PPARGC1A: variants seen among roughly 807,000 people sequenced by gnomAD.
PPARGC1A encodes peroxisome proliferator-activated receptor gamma coactivator 1-alpha.
Under a neutral mutation model 88.7 loss-of-function variants are expected in PPARGC1A, and 25 were observed. The ratio of observed to expected loss-of-function variants is 0.28; its 90% CI spans 0.21 to 0.39. The LOEUF is 0.39. Ranked by LOEUF, PPARGC1A falls within the 10% of genes least tolerant of loss-of-function variation. The pLI, the probability that PPARGC1A is intolerant of heterozygous loss-of-function variation, is 1.00. For synonymous variants in PPARGC1A, 363 were observed against 355.6 expected (o/e 1.02, Z -0.24); for missense variants, 880 against 968.7 (o/e 0.91, Z 1.22).
chr4:24,367,732 CA>C, the PPARGC1A span, among the ~76,000 whole-genome samples: 1 of 152,108 alleles, frequency 6.6e-6, no homozygotes, highest in Non-Finnish European at 1.5e-5. Flanking sequence ...CCTTAATGAA[CA>C]TATTGTTGTT....
the PPARGC1A span, among the ~76,000 whole-genome samples, chr4:24,252,408 T>C: frequency 2.0e-5 from 3 of 152,348 alleles, no homozygotes; most frequent in East Asian, 5.8e-4. Flanking sequence ...GTTGTGTTTC[T>C]GCCTTTCGTG....
the PPARGC1A span, among the ~76,000 whole-genome samples, chr4:24,369,999 G>A: frequency 6.6e-6 from 1 of 152,200 alleles, no homozygotes; most frequent in Admixed American, 6.5e-5. Context: ...AAAGAGAAAG[G>A]CTTGGCTTGG....
chr4:24,247,162 A>T, the PPARGC1A span, among the ~76,000 whole-genome samples: 1 of 152,182 alleles, frequency 6.6e-6, no homozygotes, highest in African/African-American at 2.4e-5. Context: ...GCTAAAAATC[A>T]TCAGTTCTCT....
At chr4:24,382,656 G>A in the PPARGC1A span, among the ~76,000 whole-genome samples, 2 of 152,304 alleles carry the variant, frequency 1.3e-5, no homozygotes, top group Admixed American at 6.5e-5. Flanking sequence ...AAATGATACT[G>A]ACAGGTACCT....
At chr4:24,043,996 T>A in the PPARGC1A span, among the ~76,000 whole-genome samples, 1 of 152,206 alleles carries the variant, frequency 6.6e-6, no homozygotes, top group Admixed American at 6.5e-5. Context: ...TCTGAGTATA[T>A]CATCCATGTA....
At chr4:24,047,614 G>T in the PPARGC1A span, among the ~76,000 whole-genome samples, 1 of 152,132 alleles carries the variant, frequency 6.6e-6, no homozygotes, top group South Asian at 2.1e-4. Flanking sequence ...TGGAACCCGG[G>T]CAGACAGACA....
the PPARGC1A span, among the ~76,000 whole-genome samples, chr4:24,125,755 A>T: frequency 0.71 from 108,226 of 152,036 alleles, 38,793 homozygotes; most frequent in Non-Finnish European, 0.76. Flanking sequence ...TACCCCCAAT[A>T]TATTAAATTG....
chr4:24,173,306 T>C, the PPARGC1A span, among the ~76,000 whole-genome samples: 1 of 145,742 alleles, frequency 6.9e-6, no homozygotes, highest in Non-Finnish European at 1.5e-5. Flanking sequence ...CAGTGGCTAG[T>C]TTTGGACTGG....
At chr4:24,326,692 C>G in the PPARGC1A span, among the ~76,000 whole-genome samples, 1 of 152,292 alleles carries the variant, frequency 6.6e-6, no homozygotes, top group Middle Eastern at 3.4e-3. Context: ...TCGTGTCCAG[C>G]TGATCTCCCA....
the PPARGC1A span, among the ~76,000 whole-genome samples, chr4:24,145,208 T>G: frequency 2.6e-5 from 4 of 151,788 alleles, no homozygotes; most frequent in Admixed American, 6.6e-5. Context: ...AAGCTCCACT[T>G]TATAGAGGAA....
At chr4:24,442,581 C>A in the PPARGC1A span, among the ~76,000 whole-genome samples, 1 of 152,134 alleles carries the variant, frequency 6.6e-6, no homozygotes, top group Non-Finnish European at 1.5e-5. Context: ...CTTGGGTAAT[C>A]CATTTGTTGA....
At chr4:24,414,621 A>G in the PPARGC1A span, among the ~76,000 whole-genome samples, 1 of 152,154 alleles carries the variant, frequency 6.6e-6, no homozygotes, top group South Asian at 2.1e-4. Context: ...AACCATAGAC[A>G]TTCTGATTTA....
chr4:24,119,830 C>G, the PPARGC1A span, among the ~76,000 whole-genome samples: 1 of 152,128 alleles, frequency 6.6e-6, no homozygotes, highest in Non-Finnish European at 1.5e-5. Flanking sequence ...CAGACTCTTA[C>G]CTCCAAAATC....
At chr4:24,112,101 T>A in the PPARGC1A span, among the ~76,000 whole-genome samples, 1 of 152,118 alleles carries the variant, frequency 6.6e-6, no homozygotes, top group Non-Finnish European at 1.5e-5. Flanking sequence ...ATGGGTAGAG[T>A]CTGTCCATTC....
intron 10 of PPARGC1A, among the ~76,000 whole-genome samples, chr4:23,810,216 A>T (rs1720639710): frequency 6.6e-6 from 1 of 152,190 alleles, no homozygotes. Flanking sequence ...AACAATCTCT[A>T]TGTTCTAGGT....
chr4:24,087,781 G>T, the PPARGC1A span, among the ~76,000 whole-genome samples: 1 of 152,198 alleles, frequency 6.6e-6, no homozygotes, highest in Non-Finnish European at 1.5e-5. Context: ...GGTTTTCCAG[G>T]ATGGTTATAT....
chr4:24,201,070 ATC>A, the PPARGC1A span, among the ~76,000 whole-genome samples: 1 of 152,240 alleles, frequency 6.6e-6, no homozygotes, highest in African/African-American at 2.4e-5. Flanking sequence ...TGAGTATATT[ATC>A]TGTTATAAAA....
the PPARGC1A span, among the ~76,000 whole-genome samples, chr4:24,240,426 G>T: frequency 6.6e-6 from 1 of 152,174 alleles, no homozygotes; most frequent in Non-Finnish European, 1.5e-5. Flanking sequence ...TGTTTCATGG[G>T]ACTCCCTGCT....
the PPARGC1A span, among the ~76,000 whole-genome samples, chr4:23,909,196 A>T: frequency 6.6e-6 from 1 of 152,186 alleles, no homozygotes; most frequent in South Asian, 2.1e-4. Context: ...ACCCGTACGT[A>T]ATTTGAAATA....
Sources: allele counts gnomAD v4.1 joint callset (sites outside exome capture counted in the v4.1 genomes callset), GRCh38; gene constraint gnomAD v4.1.1; transcripts MANE v1.5; gene names NCBI Gene and HGNC (gene_info 2026-07-23, HGNC 2026-07-21).